Variants in PTPRD observed in about 807,000 individuals in gnomAD.
PTPRD encodes protein tyrosine phosphatase receptor type D, also known as receptor-type tyrosine-protein phosphatase delta.
Under a neutral mutation model 214.5 loss-of-function variants are expected in PTPRD, and 34 were observed. The observed-to-expected ratio is 0.16, with a 90% CI of 0.12 to 0.21. The LOEUF is 0.21. PTPRD is among the 10% of genes least tolerant of loss of function. The probability of loss-of-function intolerance (pLI) is 1.00; values close to 1 mark genes in which losing one functional copy is unlikely to be tolerated. For missense variants in PTPRD, 2,545 were observed against 2,398.7 expected, an observed-to-expected ratio of 1.06 and a Z score of -1.27; for synonymous variants, 1,128 against 845.7, an observed-to-expected ratio of 1.33 and a Z score of -5.79.
chr9:8,792,804 TC>T (rs1363496528), intron 11 of PTPRD, among the ~76,000 whole-genome samples: 1 of 152,184 alleles, frequency 6.6e-6, no homozygotes, highest in African/African-American at 2.4e-5. Flanking sequence ...TGCCCCTTTT[TC>T]CTTTTCTCCA....
intron 11 of PTPRD, among the ~76,000 whole-genome samples, chr9:8,879,068 C>G (rs897093516): frequency 1.3e-5 from 2 of 152,124 alleles, no homozygotes; most frequent in African/African-American, 2.4e-5. Context: ...AATAGTAGGC[C>G]TAAGTTACAC....
chr9:8,341,514 T>C (rs1418580008), intron 40 of PTPRD, among the ~76,000 whole-genome samples, 179 bp downstream of exon 40: 2 of 152,088 alleles, frequency 1.3e-5, no homozygotes, highest in African/African-American at 2.4e-5. Context: ...AAGATATTGT[T>C]AGGAAGCAAA....
chr9:8,824,368 A>G (rs2097135188), intron 11 of PTPRD, among the ~76,000 whole-genome samples: 5 of 152,086 alleles, frequency 3.3e-5, no homozygotes, highest in South Asian at 4.1e-4. Context: ...TTTTAGGCCA[A>G]ATAGGGGCGA....
intron 3 of PTPRD, among the ~76,000 whole-genome samples, chr9:10,132,574 T>C (rs2098902668): frequency 6.6e-6 from 1 of 151,778 alleles, no homozygotes; most frequent in African/African-American, 2.4e-5. Context: ...ATACTTGGAG[T>C]GGAAATTATT....
At chr9:9,655,193 C>T (rs1028115346) in intron 7 of PTPRD, among the ~76,000 whole-genome samples, 1 of 151,940 alleles carries the variant, frequency 6.6e-6, no homozygotes, top group African/African-American at 2.4e-5. Flanking sequence ...GAAACATTTG[C>T]ACAAGATATA....
chr9:8,857,035 T>G (rs73433134), intron 11 of PTPRD, among the ~76,000 whole-genome samples: 4 of 152,200 alleles, frequency 2.6e-5, no homozygotes, highest in Non-Finnish European at 2.9e-5. Flanking sequence ...CCCTACGGAA[T>G]GAATGTGTGT....
At chr9:10,106,693 A>G (rs977498818) in intron 3 of PTPRD, among the ~76,000 whole-genome samples, 1 of 151,996 alleles carries the variant, frequency 6.6e-6, no homozygotes, top group Non-Finnish European at 1.5e-5. Flanking sequence ...TTTAGAAAAA[A>G]AAATTGACCA....
chr9:9,675,315 C>T (rs1374686214), intron 7 of PTPRD, among the ~76,000 whole-genome samples: 8 of 151,660 alleles, frequency 5.3e-5, no homozygotes, highest in African/African-American at 1.4e-4. Flanking sequence ...TTCTTAAATG[C>T]TCATAATAAA....
intron 5 of PTPRD, among the ~76,000 whole-genome samples, chr9:9,858,316 G>A (rs1027237750): frequency 2.0e-5 from 3 of 152,144 alleles, no homozygotes; most frequent in Non-Finnish European, 4.4e-5. Context: ...CAGCATAATG[G>A]AAACATATCT....
chr9:9,128,239 C>T (rs1277979208), intron 10 of PTPRD, among the ~76,000 whole-genome samples: 1 of 152,228 alleles, frequency 6.6e-6, no homozygotes, highest in Admixed American at 6.5e-5. Context: ...ATAGGTCTTT[C>T]TAAATATGAG....
At chr9:8,838,475 C>T (rs1389789492) in intron 11 of PTPRD, among the ~76,000 whole-genome samples, 1 of 152,048 alleles carries the variant, frequency 6.6e-6, no homozygotes, top group East Asian at 1.9e-4. Flanking sequence ...AACTAACATA[C>T]TTTTTAAATT....
intron 11 of PTPRD, among the ~76,000 whole-genome samples, chr9:8,985,626 A>C (rs1247580071): frequency 1.3e-5 from 2 of 151,192 alleles, no homozygotes. Context: ...TGTAAATAAA[A>C]TTTGTGTGCC....
chr9:8,415,865 A>G (rs2093896676), intron 35 of PTPRD, among the ~76,000 whole-genome samples: 1 of 152,016 alleles, frequency 6.6e-6, no homozygotes, highest in Non-Finnish European at 1.5e-5. Flanking sequence ...TGAGGTTTCC[A>G]GAAAACAGAT....
chr9:10,489,535 G>T (rs2099154199), intron 2 of PTPRD, among the ~76,000 whole-genome samples: 1 of 152,154 alleles, frequency 6.6e-6, no homozygotes, highest in East Asian at 1.9e-4. Flanking sequence ...CCTAGAAGTT[G>T]TAGTCCTTGT....
chr9:9,180,364 G>A (rs751343414), intron 10 of PTPRD, among the ~76,000 whole-genome samples: 31 of 147,366 alleles, frequency 2.1e-4, no homozygotes, highest in African/African-American at 4.0e-4. Context: ...ACCAAATACC[G>A]CATATTCTCA....
In PTPRD at chr9:9,491,408, G is replaced by A. The variant is rs1480947051; in HGVS notation, c.-237+83324C>T. Among the ~76,000 whole-genome samples, 3 of 151,854 alleles carry A rather than the reference G, an allele frequency of 2.0e-5. No homozygotes were observed. In the East Asian group the frequency reaches 5.8e-4, roughly 29 times the overall value. ...AATTACTAGACAGAAGATGTGTAAG[G>A]AAATAAAGAACTTAATATAATTTAC... On this transcript the variant is annotated intron_variant, in intron 8 of 45. Coordinates refer to ENST00000381196, the MANE Select transcript of PTPRD (RefSeq NM_002839.4).
chr9:9,295,015 A>G (rs1173284152), intron 9 of PTPRD, among the ~76,000 whole-genome samples: 1 of 151,762 alleles, frequency 6.6e-6, no homozygotes, highest in Non-Finnish European at 1.5e-5. Context: ...AGAAAGTAAA[A>G]CATGTATTAG....
chr9:9,946,162 A>C (rs2153980791), intron 4 of PTPRD, among the ~76,000 whole-genome samples: 1 of 152,192 alleles, frequency 6.6e-6, no homozygotes. Context: ...CTAAGATAAT[A>C]AGGCTTTGTG....
intron 10 of PTPRD, among the ~76,000 whole-genome samples, chr9:9,162,869 T>A (rs1308549494): frequency 6.6e-6 from 1 of 152,116 alleles, no homozygotes; most frequent in Non-Finnish European, 1.5e-5. Context: ...ACACAGGTTA[T>A]CCAAGCTTAC....
Sources: allele counts gnomAD v4.1 joint callset (sites outside exome capture counted in the v4.1 genomes callset), GRCh38; gene constraint gnomAD v4.1.1; transcripts MANE v1.5; gene names NCBI Gene and HGNC (gene_info 2026-07-23, HGNC 2026-07-21).